Variants in SAMSN1 observed in about 807,000 individuals in gnomAD.
SAMSN1 encodes SAM domain-containing protein SAMSN-1.
Under a neutral mutation model 42.0 loss-of-function variants are expected in SAMSN1, and 31 were observed. The ratio of observed to expected loss-of-function variants is 0.74; its 90% CI spans 0.55 to 1.00. The LOEUF (loss-of-function observed/expected upper bound fraction) is 1.00, where lower values mean the gene tolerates loss of function less well. Among genes scored for constraint, SAMSN1 ranks in the 50% least tolerant of loss-of-function variants. SAMSN1 has a pLI of 0.00. For missense variants in SAMSN1, 464 were observed against 439.4 expected (o/e 1.06, Z -0.50); for synonymous variants, 178 against 151.9 (o/e 1.17, Z -1.26).
chr21:14,611,426 A>G (rs890691972), intron 4 of SAMSN1, among the ~76,000 whole-genome samples: 3 of 152,264 alleles, frequency 2.0e-5, no homozygotes, highest in African/African-American at 7.2e-5. Context: ...AATGTTGAAT[A>G]ATGCAACCTA....
intron 4 of SAMSN1, among the ~76,000 whole-genome samples, chr21:14,610,853 A>G (rs1431933631): frequency 1.3e-5 from 2 of 152,200 alleles, no homozygotes; most frequent in African/African-American, 2.4e-5. Flanking sequence ...TATATGATAG[A>G]ATGCTGTTAC....
chr21:14,551,666 T>TTC (rs546685141), intron 2 of SAMSN1, among the ~76,000 whole-genome samples: 10 of 152,158 alleles, frequency 6.6e-5, no homozygotes, highest in Non-Finnish European at 1.2e-4. Flanking sequence ...AGTAATATTA[T>TTC]TCTACAAGTT....
At chr21:14,501,913 G>A (rs548131101) in intron 5 of SAMSN1, among the ~76,000 whole-genome samples, 2 of 152,138 alleles carry the variant, frequency 1.3e-5, no homozygotes, top group Non-Finnish European at 2.9e-5. Context: ...CCAGTTATTG[G>A]CAAGGGTAGA....
At chr21:14,640,125 A>G (rs892933783) in intron 2 of SAMSN1, among the ~76,000 whole-genome samples, 4 of 152,170 alleles carry the variant, frequency 2.6e-5, no homozygotes, top group African/African-American at 9.6e-5. Flanking sequence ...TGGAACTCCC[A>G]CTATGTTCAA....
intron 3 of SAMSN1, among the ~76,000 whole-genome samples, chr21:14,614,271 CA>C (rs137907313): frequency 0.026 from 3,985 of 152,166 alleles, 105 homozygotes; most frequent in South Asian, 0.08. Flanking sequence ...TTTATTAATA[CA>C]AAAACAGTGG....
At chr21:14,501,872 C>T (rs1236003424) in intron 5 of SAMSN1, among the ~76,000 whole-genome samples, 1 of 152,132 alleles carries the variant, frequency 6.6e-6, no homozygotes, top group Non-Finnish European at 1.5e-5. Flanking sequence ...TTTCTTTACT[C>T]ACATCTAAGA....
At chr21:14,536,861 T>C (rs1205552891) in intron 1 of SAMSN1, among the ~76,000 whole-genome samples, 1 of 152,140 alleles carries the variant, frequency 6.6e-6, no homozygotes. Flanking sequence ...ATGTAGTAAG[T>C]TACCTATAAA....
intron 1 of SAMSN1, among the ~76,000 whole-genome samples, chr21:14,536,651 A>G (rs1322869764): frequency 6.6e-6 from 1 of 152,218 alleles, no homozygotes; most frequent in Non-Finnish European, 1.5e-5. Flanking sequence ...ACTACGAATT[A>G]AAATAAAATC....
At chr21:14,567,976 T>G (rs997212941) in intron 2 of SAMSN1, among the ~76,000 whole-genome samples, 5 of 152,148 alleles carry the variant, frequency 3.3e-5, no homozygotes, top group African/African-American at 1.2e-4. Flanking sequence ...GAATAAAAAA[T>G]GGTGTTCGTC....
Position 14,514,974 on chromosome 21 carries a change from C to T in SAMSN1, c.279+1918G>A, listed in dbSNP as rs572602733. ...GTAGATTCAATGGAGCATCCAGGAA[C>T]AAGCCTCAGGAAGATGTTTCAAGGG... On this transcript the variant is annotated intron_variant, in intron 3 of 7. Coordinates refer to ENST00000400566, the MANE Select transcript of SAMSN1 (RefSeq NM_022136.5). Among the ~76,000 whole-genome samples the T allele has an allele frequency of 9.9e-5, 15 of 151,966 alleles. No individual in the cohort carries two copies. In the East Asian group the frequency reaches 1.2e-3, roughly 12 times the overall value.
chr21:14,530,656 T>C (rs1979209929), intron 1 of SAMSN1, among the ~76,000 whole-genome samples: 1 of 152,192 alleles, frequency 6.6e-6, no homozygotes, highest in Non-Finnish European at 1.5e-5. Flanking sequence ...CATGGATAGT[T>C]GGTCGATGTT....
At chr21:14,613,206 TA>T (rs1330425146) in intron 3 of SAMSN1, among the ~76,000 whole-genome samples, 2 of 152,176 alleles carry the variant, frequency 1.3e-5, no homozygotes, top group African/African-American at 4.8e-5. Context: ...AAATAGTTAC[TA>T]GGGGGGAAGT....
chr21:14,587,867 G>A (rs1340671005), upstream of SAMSN1, among the ~76,000 whole-genome samples: 2 of 150,274 alleles, frequency 1.3e-5, no homozygotes, highest in Non-Finnish European at 3.0e-5. Flanking sequence ...CGCTGCATTA[G>A]GTATATCTCC....
rs531897436 is a variant in SAMSN1, at chr21:14,625,187, A to C, written c.157-9171T>G. On this transcript the variant is annotated intron_variant, in intron 2 of 15. Transcript: ENST00000647101. Reference sequence around the variant, plus strand: ...GCCAATATCATACTGAATGGGCAAAAACTGGACGCATTCCCTTTGAAAACT... The same window carrying C: ...GCCAATATCATACTGAATGGGCAAACACTGGACGCATTCCCTTTGAAAACT... 5.3e-5 allele frequency among the ~76,000 whole-genome samples: 8 copies of C among 152,220 alleles called. No homozygotes were observed. The South Asian group carries it at 1.7e-3, about 32-fold the overall frequency.
At chr21:14,522,178 A>G (rs1323369032) in intron 1 of SAMSN1, among the ~76,000 whole-genome samples, 1 of 152,236 alleles carries the variant, frequency 6.6e-6, no homozygotes, top group South Asian at 2.1e-4. Context: ...TTTTGCTTAC[A>G]AAGCTACATT....
intron 1 of SAMSN1, among the ~76,000 whole-genome samples, chr21:14,650,744 G>C (rs953814715): frequency 6.6e-6 from 1 of 151,688 alleles, no homozygotes; most frequent in Non-Finnish European, 1.5e-5. Context: ...GACAAAAAAG[G>C]TTGTTTTTTG....
rs370862191 is a variant in SAMSN1, at chr21:14,622,335, A to G, written c.157-6319T>C. ...GATCAAACTTCTCCGAGCTAAAGGA[A>G]GAAGTTTGAACCCACCGCAAAGAAG... On this transcript the variant is annotated intron_variant, in intron 2 of 15. Transcript: ENST00000647101. 8.3e-4 allele frequency among the ~76,000 whole-genome samples: 127 copies of G among 152,344 alleles called. 2 individuals are homozygous for G. The South Asian group carries it at 0.011, about 13-fold the overall frequency.
At chr21:14,560,534 T>A (rs754408263) in intron 2 of SAMSN1, among the ~76,000 whole-genome samples, 4 of 152,246 alleles carry the variant, frequency 2.6e-5, no homozygotes, top group Non-Finnish European at 4.4e-5. Flanking sequence ...TATAACATTT[T>A]GGACCAAACT....
At position 14,622,014 on chromosome 21, in the gene SAMSN1, G is replaced by A. The variant is rs568379882; in HGVS notation, c.157-5998C>T. ...CTGCTGCTAATACCCAGGCAAACAGGGTCTGGAGTGGACCTCCAGCAAACA... is the reference window on the plus strand; with the variant it reads ...CTGCTGCTAATACCCAGGCAAACAGAGTCTGGAGTGGACCTCCAGCAAACA... On this transcript the variant is annotated intron_variant, in intron 2 of 15. Coordinates refer to the SAMSN1 transcript ENST00000647101. Among the ~76,000 whole-genome samples the A allele has an allele frequency of 4.6e-5, 7 of 152,202 alleles. 1 individual carries two copies. Among genetic ancestry groups the A allele is most frequent in the African/African-American group, 4.8e-5 (2 of 41,446 alleles).
Sources: allele counts gnomAD v4.1 joint callset (sites outside exome capture counted in the v4.1 genomes callset), GRCh38; gene constraint gnomAD v4.1.1; transcripts MANE v1.5; gene names NCBI Gene and HGNC (gene_info 2026-07-23, HGNC 2026-07-21).